ATRN: variants seen among roughly 807,000 people sequenced by gnomAD.
The protein encoded by ATRN is attractin, also known as attractin-2.
A neutral mutation model predicts 178.7 loss-of-function variants in ATRN; 54 were observed. The ratio of observed to expected loss-of-function variants is 0.30; its 90% CI spans 0.24 to 0.38. The LOEUF (loss-of-function observed/expected upper bound fraction) is 0.38. ATRN is among the 10% of genes least tolerant of loss of function. ATRN has a pLI of 1.00. For missense variants in ATRN, 1,443 were observed against 1,815.1 expected (o/e 0.79, Z 3.73); for synonymous variants, 636 against 663.0 (o/e 0.96, Z 0.63).
chr20:3,644,251 C>G lies in ATRN; in HGVS notation c.4148C>G (p.Pro1383Arg). 1.2e-6 allele frequency: 2 copies of G among 1,613,900 alleles called. No individual in the cohort carries two copies. The highest frequency in any genetic ancestry group is 1.7e-6 in the Non-Finnish European group (2 of 1,179,770). Residue 1383 changes from proline (P) to arginine (R), a missense_variant, in exon 28 of 29, where the codon CCT becomes CGT. Around this residue, in one of 4 missense-constraint regions of ATRN, gnomAD observed 289 missense variants for 440.8 expected, o/e 0.66. Coordinates refer to ENST00000262919, the MANE Select transcript of ATRN (RefSeq NM_139321.3). Reference protein sequence around the residue: ...VRLPRGLGGIPPPGQSGLAVA... With the variant: ...VRLPRGLGGIRPPGQSGLAVA... ...CTCCCTCGAGGCCTGGGTGGCATCCCTCCTCCTGGGCAGTCAGGTGAGTAG... is the reference window on the plus strand; with the variant it reads ...CTCCCTCGAGGCCTGGGTGGCATCCGTCCTCCTGGGCAGTCAGGTGAGTAG...
Position 3,628,257 on chromosome 20 carries a change from A to T in ATRN, c.3863+3685A>T, listed in dbSNP as rs58775540. 6.8e-3 allele frequency among the ~76,000 whole-genome samples: 751 copies of T among 111,200 alleles called. 6 individuals carry two copies. Among genetic ancestry groups the T allele is most frequent in the African/African-American group, 0.023 (615 of 26,970 alleles). The allele number at this position is 111,200 out of a possible 152,430, so 73.0% of individuals were successfully genotyped here. ...TAAAATTTAATACCCATTCATTTTT[A>T]AAAAAATTTCTTAGAAAACTAGAAA... is the stretch of plus-strand genomic sequence containing the variant. On this transcript the variant is annotated intron_variant, in intron 25 of 28. Coordinates refer to ENST00000262919, the MANE Select transcript of ATRN (RefSeq NM_139321.3).
At chr20:3,523,972 G>A (rs1244149780) in intron 1 of ATRN, among the ~76,000 whole-genome samples, 2 of 152,164 alleles carry the variant, frequency 1.3e-5, no homozygotes, top group African/African-American at 4.8e-5. Context: ...ATACCAAATT[G>A]TAAAGACCAT....
chr20:3,471,282 C>A lies in ATRN; in HGVS notation c.175C>A (p.Pro59Thr). Residue 59 changes from proline (P) to threonine (T), a missense_variant, in exon 1 of 29, where the codon CCA becomes ACA. Physicochemically the swap from Pro to Thr is conservative, Grantham distance 38. This residue lies in a region of ATRN where 862 missense variants were observed against 972.1 expected (regional missense o/e 0.89). Coordinates refer to ENST00000262919, the MANE Select transcript of ATRN (RefSeq NM_139321.3). ...LPRLLSPPLR[P>T]RLLLLLLLLS... is the part of the protein sequence containing the mutation. The stretch of plus-strand genomic sequence containing the variant: ...GCGGCTGCTGTCTCCACCGCTGCGG[C>A]CACGGCTGCTGCTGCTGCTGTTGTT... The A allele has an allele frequency of 6.8e-7, 1 of 1,467,072 alleles. No homozygotes were observed. Among genetic ancestry groups the A allele is most frequent in the Non-Finnish European group, 8.9e-7 (1 of 1,118,296 alleles). 90.9% of individuals were successfully genotyped at this position (1,467,072 alleles called of 1,614,324 possible).
At chr20:3,532,145 A>C (rs1005408745) in intron 1 of ATRN, among the ~76,000 whole-genome samples, 2 of 152,114 alleles carry the variant, frequency 1.3e-5, no homozygotes, top group African/African-American at 4.8e-5. Context: ...ACAAAAAACA[A>C]AAAACACAAA....
In ATRN at chr20:3,584,741, A is replaced by T. The variant is rs778912643; in HGVS notation, c.3045A>T (p.Lys1015Asn). ...CTDPSNTGKG[K>N]CIEGSYKGPV... ...ATCCCAGCAATACTGGCAAAGGGAA[A>T]TGCATAGAGGGTTCCTATAAAGGAC... The change falls in exon 18 of 29, where the codon AAA becomes AAT. Residue 1015 changes from lysine to asparagine, a missense_variant. Around this residue, in one of 4 missense-constraint regions of ATRN, gnomAD observed 212 missense variants for 330.7 expected, o/e 0.64. Coordinates refer to ENST00000262919, the MANE Select transcript of ATRN (RefSeq NM_139321.3). 1 of 1,614,134 alleles carries T rather than the reference A, an allele frequency of 6.2e-7. No homozygotes were observed. Among genetic ancestry groups the T allele is most frequent in the Non-Finnish European group, 8.5e-7 (1 of 1,180,004 alleles).
At chr20:3,480,888 A>T (rs1245346664) in intron 1 of ATRN, among the ~76,000 whole-genome samples, 2 of 152,230 alleles carry the variant, frequency 1.3e-5, no homozygotes, top group Non-Finnish European at 2.9e-5. Flanking sequence ...TTGAACAGAA[A>T]TCTTACACTG....
At chr20:3,491,495 G>T (rs1043839012) in intron 1 of ATRN, among the ~76,000 whole-genome samples, 1 of 152,146 alleles carries the variant, frequency 6.6e-6, no homozygotes, top group Non-Finnish European at 1.5e-5. Flanking sequence ...TGCAGACTTT[G>T]TCTTCTTCTG....
intron 1 of ATRN, among the ~76,000 whole-genome samples, chr20:3,487,461 G>A (rs1023365440): frequency 6.6e-6 from 1 of 152,064 alleles, no homozygotes; most frequent in Non-Finnish European, 1.5e-5. Context: ...TTGAACTCCT[G>A]ATCTTGTGAT....
chr20:3,604,088 T>C lies in ATRN; in HGVS notation c.3644-17T>C, dbSNP rs771278102. The C allele has an allele frequency of 1.9e-6, 3 of 1,563,970 alleles. No individual in the cohort carries two copies. In the Admixed American group the frequency reaches 6.3e-5, roughly 33 times the overall value. On this transcript the variant is annotated splice_polypyrimidine_tract_variant and intron_variant, in intron 23 of 28. Transcript: ENST00000262919. ...CCCAAAAAATGTCTCTTCTCTTTCA[T>C]GTTTTTCTTTTAACAGCTGGAACCC... is the stretch of plus-strand genomic sequence containing the variant.
chr20:3,492,896 CAT>C (rs1555807935), intron 1 of ATRN, among the ~76,000 whole-genome samples: 92 of 144,470 alleles, frequency 6.4e-4, no homozygotes, highest in African/African-American at 2.0e-3. Flanking sequence ...CACACACACA[CAT>C]AACTAATATA....
chr20:3,541,394 C>T (rs1487211596), intron 3 of ATRN, among the ~76,000 whole-genome samples: 1 of 149,702 alleles, frequency 6.7e-6, no homozygotes, highest in African/African-American at 2.4e-5. Flanking sequence ...TTTTAAGATA[C>T]AGTCATGTGT....
intron 19 of ATRN, among the ~76,000 whole-genome samples, chr20:3,591,919 C>T (rs976637421): frequency 6.6e-6 from 1 of 152,158 alleles, no homozygotes; most frequent in African/African-American, 2.4e-5. Context: ...GAGCGTGACC[C>T]GTGAGGTAGA....
At chr20:3,542,935 G>C (rs1043417049) in intron 3 of ATRN, among the ~76,000 whole-genome samples, 1 of 151,566 alleles carries the variant, frequency 6.6e-6, no homozygotes. Flanking sequence ...CACTGCACCC[G>C]GCCGAAGATT....
At chr20:3,629,081 C>G in intron 25 of ATRN, 1 of 985,330 alleles carries the variant, frequency 1.0e-6, no homozygotes, top group Non-Finnish European at 1.2e-6. Context: ...ACTCAGCAGG[C>G]ACTCCCTTAC....
intron 1 of ATRN, among the ~76,000 whole-genome samples, chr20:3,492,003 A>G (rs1357982678): frequency 6.6e-6 from 1 of 151,910 alleles, no homozygotes; most frequent in Non-Finnish European, 1.5e-5. Context: ...ATTGCTATAT[A>G]TTTACGTGGA....
intron 1 of ATRN, among the ~76,000 whole-genome samples, chr20:3,492,877 A>G (rs867461114): frequency 0.088 from 11,949 of 135,594 alleles, 536 homozygotes; most frequent in African/African-American, 0.13. Flanking sequence ...GTGCGCACGC[A>G]CACACACACA....
At chr20:3,600,876 C>T (rs993553271) in intron 22 of ATRN, 70 bp from the exon 23 acceptor site, 2 of 1,399,558 alleles carry the variant, frequency 1.4e-6, no homozygotes, top group Admixed American at 1.8e-5. Context: ...GAGGAGTAAA[C>T]TTTATTGCTT....
chr20:3,483,326 GC>G (rs2084646902), intron 1 of ATRN, among the ~76,000 whole-genome samples: 2 of 152,078 alleles, frequency 1.3e-5, no homozygotes, highest in Admixed American at 1.3e-4. Context: ...TCCAACTTTT[GC>G]TGTTACAAAT....
intron 27 of ATRN, among the ~76,000 whole-genome samples, chr20:3,643,231 T>TC (rs759455007): frequency 6.6e-6 from 1 of 152,056 alleles, no homozygotes; most frequent in Non-Finnish European, 1.5e-5. Context: ...AGCTGATAAT[T>TC]CCCCAGAACT....
Sources: allele counts gnomAD v4.1 joint callset (sites outside exome capture counted in the v4.1 genomes callset), GRCh38; gene constraint gnomAD v4.1.1; regional missense constraint gnomAD v4.1.1; transcripts MANE v1.5; gene names NCBI Gene and HGNC (gene_info 2026-07-23, HGNC 2026-07-21).